MCM8: variants seen among roughly 807,000 people sequenced by gnomAD.
The protein encoded by MCM8 is DNA helicase MCM8.
MCM8 carries 85 observed loss-of-function variants against 98.9 expected under a neutral mutation model. The observed-to-expected ratio is 0.86, with a 90% confidence interval of 0.72 to 1.03. The LOEUF (loss-of-function observed/expected upper bound fraction) is 1.03. MCM8 is among the 50% of genes least tolerant of loss of function. The pLI, the probability that MCM8 is intolerant of heterozygous loss-of-function variation, is 0.00. For missense variants in MCM8, 951 were observed against 997.8 expected (o/e 0.95, Z 0.63); for synonymous variants, 352 against 338.6 (o/e 1.04, Z -0.44).
In MCM8 at chr20:5,957,295, A is replaced by G. The variant is rs9917453; in HGVS notation, c.590+66A>G. The G allele has an allele frequency of 5.3e-4, 627 of 1,190,250 alleles. 1 individual carries two copies. In the African/African-American group the frequency reaches 9.2e-3, roughly 17 times the overall value. The allele number at this position is 1,190,250 out of a possible 1,614,324, so 73.7% of individuals were successfully genotyped here. On this transcript the variant is annotated intron_variant, in intron 6 of 18. Transcript: ENST00000610722. ...CATTGAAGGCCATTTAAGAATGAAA[A>G]CGCTCATTTTATAAAAATGAGGAAA...
intron 3 of MCM8, 105 bp downstream of exon 3, chr20:5,952,633 G>A: frequency 1.1e-6 from 1 of 902,540 alleles, no homozygotes; most frequent in Non-Finnish European, 1.7e-6. Flanking sequence ...ACATATACCT[G>A]CTTTAATCTT....
At chr20:5,990,885 A>AAC (rs2089837410) in intron 17 of MCM8, 1 of 152,194 alleles carries the variant, frequency 6.6e-6, no homozygotes, top group African/African-American at 2.4e-5. Context: ...CCTGCACTTG[A>AAC]ACACTCCACC....
At chr20:5,955,344 A>C (rs940337580) in intron 5 of MCM8, 93 bp downstream of exon 5, 1 of 1,211,096 alleles carries the variant, frequency 8.3e-7, no homozygotes, top group African/African-American at 1.5e-5. Flanking sequence ...AAGATTTTAC[A>C]GTGACTGTAC....
chr20:5,963,198 T>C, intron 7 of MCM8, 76 bp from the exon 8 acceptor site: 4 of 1,097,056 alleles, frequency 3.6e-6, no homozygotes, highest in Non-Finnish European at 5.6e-6. Context: ...TTAAATGAAA[T>C]GTTTTAACTG....
At chr20:5,951,987 A>T (rs2088839408) in intron 1 of MCM8, 24 bp from the exon 2 acceptor site, 1 of 1,589,882 alleles carries the variant, frequency 6.3e-7, no homozygotes, top group Non-Finnish European at 8.6e-7. Context: ...TTTGGTGAAG[A>T]CCTTTTTAAT....
chr20:5,990,224 G>T (rs2089821855), intron 17 of MCM8, among the ~76,000 whole-genome samples: 1 of 152,110 alleles, frequency 6.6e-6, no homozygotes, highest in Non-Finnish European at 1.5e-5. Flanking sequence ...ACAGGCACCT[G>T]CCACCACGCC....
chr20:5,970,051 G>T (rs1488422970), intron 10 of MCM8, among the ~76,000 whole-genome samples: 1 of 152,064 alleles, frequency 6.6e-6, no homozygotes, highest in Non-Finnish European at 1.5e-5. Context: ...AATTTTTCAT[G>T]GTCCTCTATT....
In MCM8 at chr20:5,953,457, G is replaced by A. The variant is rs891924806; in HGVS notation, c.253+929G>A. 2.6e-5 allele frequency among the ~76,000 whole-genome samples: 4 copies of A among 151,838 alleles called. No homozygotes were observed. The East Asian group carries it at 7.7e-4, about 29-fold the overall frequency. ...ATGAGGGGTGTGTGTGTGTGTGTGT[G>A]TGTGTGTGTGTGTGCATACTTTTTA... On this transcript the variant is annotated intron_variant, in intron 3 of 18. Transcript: ENST00000610722.
intron 13 of MCM8, among the ~76,000 whole-genome samples, chr20:5,979,645 G>A (rs1199385542): frequency 6.6e-6 from 1 of 152,114 alleles, no homozygotes; most frequent in Non-Finnish European, 1.5e-5. Context: ...CTTGTTGGCT[G>A]TACCATCAAA....
rs570718621 is a variant in MCM8, at chr20:5,953,168, G to A, written c.253+640G>A. 3.3e-5 allele frequency among the ~76,000 whole-genome samples: 5 copies of A among 152,312 alleles called. No homozygotes were observed. The South Asian group carries it at 6.2e-4, about 19-fold the overall frequency. On this transcript the variant is annotated intron_variant, in intron 3 of 18. Coordinates refer to ENST00000610722, the MANE Select transcript of MCM8 (RefSeq NM_032485.6). The stretch of plus-strand genomic sequence containing the variant: ...TCCTTTCTCTTCCTGCCACCTTCCC[G>A]TCTCTAAAGTGCCTTCAATTGGCAG...
rs181275144 is a variant in MCM8, at chr20:5,967,286, C to T, written c.876-150C>T. 7.6e-6 allele frequency: 4 copies of T among 526,272 alleles called. No homozygotes were observed. In the African/African-American group the frequency reaches 7.8e-5, roughly 10 times the overall value. The allele number at this position is 526,272 out of a possible 1,614,324, so 32.6% of individuals were successfully genotyped here. A position where few individuals can be genotyped will look rare whatever the true frequency, so the allele number is the denominator to read the frequency against. ...TCATTTGGCTATCTTGAATTGGAAA[C>T]TGCTGAAGTAATTTTAGATATACCA... On this transcript the variant is annotated intron_variant, in intron 8 of 18. Transcript: ENST00000610722.
Position 5,958,625 on chromosome 20 carries a change from A to G in MCM8, c.688A>G (p.Asn230Asp). 2 of 1,614,190 alleles carry G rather than the reference A, an allele frequency of 1.2e-6. No individual in the cohort carries two copies. The highest frequency in any genetic ancestry group is 1.7e-6 in the Non-Finnish European group (2 of 1,180,024). Residue 230 changes from asparagine (N) to aspartate (D), a missense_variant, in exon 7 of 19, where the codon AAT (asparagine) becomes GAT (aspartate). Physicochemically the swap from Asn to Asp is conservative, Grantham distance 23. Coordinates refer to ENST00000610722, the MANE Select transcript of MCM8 (RefSeq NM_032485.6). ...AAGAGGGACAGTGGTTCGTGTCAGT[A>G]ATATAAAGCCTCTTTGCACCAAGAT... ...ALRGTVVRVS[N>D]IKPLCTKMAF...
At position 5,977,856 on chromosome 20, in the gene MCM8, T is replaced by G; in HGVS notation, c.1396-20T>G. ...TCCCTTTTACTTTGGATGATTCTCT[T>G]AAACTTTTTGTTTCCTTAGGCAGCG... On this transcript the variant is annotated intron_variant, in intron 12 of 18. Coordinates refer to ENST00000610722, the MANE Select transcript of MCM8 (RefSeq NM_032485.6). 3 of 1,612,090 alleles carry G rather than the reference T, an allele frequency of 1.9e-6. No individual in the cohort carries two copies. The highest frequency in any genetic ancestry group is 2.5e-6 in the Non-Finnish European group (3 of 1,178,590).
intron 3 of MCM8, among the ~76,000 whole-genome samples, chr20:5,952,830 C>T (rs1384761343): frequency 1.3e-5 from 2 of 152,210 alleles, no homozygotes; most frequent in African/African-American, 4.8e-5. Context: ...AGTAGTAATT[C>T]AGGAAGCAGC....
rs2089990260 is a variant in MCM8 at position 5,998,924 on chromosome 20, A to G, written c.*4533A>G. 2 of 152,128 alleles carry G rather than the reference A, an allele frequency of 1.3e-5. No individual in the cohort carries two copies. Among genetic ancestry groups the G allele is most frequent in the Non-Finnish European group, 2.9e-5 (2 of 68,030 alleles). The allele number at this position is 152,128 out of a possible 1,614,324, so 9.4% of individuals were successfully genotyped here. Reference sequence around the variant, plus strand: ...ATTCCATCATCAGTTTTTCTATACCATGGAGTTACTTACCATGTGTATACA... The same window carrying G: ...ATTCCATCATCAGTTTTTCTATACCGTGGAGTTACTTACCATGTGTATACA... On this transcript the variant is annotated 3_prime_UTR_variant, in exon 19 of 19. Coordinates refer to ENST00000610722, the MANE Select transcript of MCM8 (RefSeq NM_032485.6).
At chr20:5,965,331 A>G (rs1309256670) in intron 8 of MCM8, 1 of 152,188 alleles carries the variant, frequency 6.6e-6, no homozygotes, top group Non-Finnish European at 1.5e-5. Flanking sequence ...GCACATGCAC[A>G]AGCCTCTGTG....
At chr20:5,982,115 G>A (rs77756637) in intron 13 of MCM8, among the ~76,000 whole-genome samples, 5,324 of 152,206 alleles carry the variant, frequency 0.035, 127 homozygotes, top group Middle Eastern at 0.1. Context: ...TAAACTAAAG[G>A]CACTGTATGT....
chr20:5,963,961 AG>A (rs2089216161), intron 8 of MCM8, among the ~76,000 whole-genome samples: 2 of 152,266 alleles, frequency 1.3e-5, no homozygotes, highest in African/African-American at 4.8e-5. Context: ...AACTGGATAT[AG>A]GCCATAAGCA....
rs1041886958 is a variant in MCM8, at chr20:5,994,731, T to C, written c.*340T>C. ...TTGGGCAACATAGCAAGACCCCATT[T>C]CTTAAAAAAAAAAAAAAAAAATTTA... On this transcript the variant is annotated 3_prime_UTR_variant, in exon 19 of 19. Coordinates refer to ENST00000610722, the MANE Select transcript of MCM8 (RefSeq NM_032485.6). 2.4e-6 allele frequency: 1 copy of C among 410,300 alleles called. No homozygotes were observed. 25.4% of individuals were successfully genotyped at this position (410,300 alleles called of 1,614,324 possible). A position where few individuals can be genotyped will look rare whatever the true frequency, so the allele number is the denominator to read the frequency against.
Sources: allele counts gnomAD v4.1 joint callset (sites outside exome capture counted in the v4.1 genomes callset), GRCh38; gene constraint gnomAD v4.1.1; transcripts MANE v1.5; gene names NCBI Gene and HGNC (gene_info 2026-07-23, HGNC 2026-07-21).